Variants in SHISA9 observed in about 807,000 individuals in gnomAD.
SHISA9 encodes the protein protein shisa-9.
SHISA9 carries 13 observed loss-of-function variants against 38.0 expected under a neutral mutation model. The observed-to-expected ratio is 0.34, with a 90% confidence interval of 0.22 to 0.54. SHISA9 has a LOEUF of 0.54. SHISA9 is among the 20% of genes least tolerant of loss of function. SHISA9 has a pLI of 0.91. For missense variants in SHISA9, 538 were observed against 575.8 expected (o/e 0.93, Z 0.67); for synonymous variants, 275 against 242.0 (o/e 1.14, Z -1.27).
intron 2 of SHISA9, among the ~76,000 whole-genome samples, chr16:13,003,817 C>G (rs1326099885): frequency 6.6e-6 from 1 of 151,998 alleles, no homozygotes; most frequent in Non-Finnish European, 1.5e-5. Flanking sequence ...GAGATCGCGC[C>G]ACTGCACTCC....
At chr16:13,526,398 T>C in the SHISA9 span, among the ~76,000 whole-genome samples, 5 of 152,114 alleles carry the variant, frequency 3.3e-5, no homozygotes, top group Admixed American at 2.0e-4. Flanking sequence ...ATTTTCTACT[T>C]TTTGGGACAG....
At chr16:13,409,739 T>C in the SHISA9 span, among the ~76,000 whole-genome samples, 1 of 152,234 alleles carries the variant, frequency 6.6e-6, no homozygotes, top group Non-Finnish European at 1.5e-5. Flanking sequence ...CAGGAGGGAA[T>C]GTGTAACAAG....
chr16:13,481,282 C>A, the SHISA9 span, among the ~76,000 whole-genome samples: 1 of 151,492 alleles, frequency 6.6e-6, no homozygotes, highest in Non-Finnish European at 1.5e-5. Context: ...TCCCATCACC[C>A]AAGTATTTAT....
At chr16:13,144,383 C>G (rs2050428893) in intron 2 of SHISA9, among the ~76,000 whole-genome samples, 2 of 152,022 alleles carry the variant, frequency 1.3e-5, no homozygotes, top group African/African-American at 4.8e-5. Flanking sequence ...AATCTCTTGG[C>G]TTCATGATCT....
chr16:13,223,763 G>A (rs1488011596), intron 4 of SHISA9, among the ~76,000 whole-genome samples: 1 of 152,224 alleles, frequency 6.6e-6, no homozygotes, highest in Non-Finnish European at 1.5e-5. Context: ...AAGAGCAAAA[G>A]CATGCCTTAC....
intron 2 of SHISA9, among the ~76,000 whole-genome samples, chr16:13,156,830 C>A (rs1412540361): frequency 2.6e-5 from 4 of 152,156 alleles, no homozygotes. Flanking sequence ...AAACCCTATG[C>A]ACACTCCTAA....
At chr16:13,482,486 C>T in the SHISA9 span, among the ~76,000 whole-genome samples, 1 of 152,174 alleles carries the variant, frequency 6.6e-6, no homozygotes, top group Non-Finnish European at 1.5e-5. Flanking sequence ...AGAGAGGACA[C>T]TAAGTCTTAA....
At chr16:12,981,248 C>G (rs1159571696) in intron 2 of SHISA9, among the ~76,000 whole-genome samples, 1 of 152,254 alleles carries the variant, frequency 6.6e-6, no homozygotes, top group Non-Finnish European at 1.5e-5. Flanking sequence ...CAGAAACCTA[C>G]AGTCGATCAC....
At chr16:13,213,444 TC>T in intron 4 of SHISA9, 144 bp downstream of exon 4, 1 of 696,558 alleles carries the variant, frequency 1.4e-6, no homozygotes, top group Non-Finnish European at 2.5e-6. Context: ...CCGTCTAAGT[TC>T]CAGTGTGTAG....
At chr16:12,929,281 A>G (rs1325646558) in intron 2 of SHISA9, among the ~76,000 whole-genome samples, 6 of 152,172 alleles carry the variant, frequency 3.9e-5, no homozygotes, top group Admixed American at 3.9e-4. Flanking sequence ...CAGCAATTTT[A>G]TTACTGGGTA....
chr16:13,412,326 C>T, the SHISA9 span, among the ~76,000 whole-genome samples: 415 of 152,174 alleles, frequency 2.7e-3, 3 homozygotes, highest in African/African-American at 9.3e-3. Context: ...CTGATTTCCC[C>T]GATGAAAATA....
chr16:13,546,122 C>G, the SHISA9 span, among the ~76,000 whole-genome samples: 10,852 of 152,132 alleles, frequency 0.071, 598 homozygotes, highest in East Asian at 0.19. Flanking sequence ...TGTCTTTGTC[C>G]TATAAGAAAG....
chr16:13,407,858 A>G, the SHISA9 span, among the ~76,000 whole-genome samples: 1 of 152,208 alleles, frequency 6.6e-6, no homozygotes, highest in South Asian at 2.1e-4. Flanking sequence ...TAATTCAGTG[A>G]TGTTTGGTGC....
At chr16:12,951,559 C>T (rs141002271) in intron 2 of SHISA9, among the ~76,000 whole-genome samples, 1 of 152,232 alleles carries the variant, frequency 6.6e-6, no homozygotes, top group Non-Finnish European at 1.5e-5. Context: ...CTGTATTTCA[C>T]TGACCTCTGC....
chr16:13,251,885 A>G, the SHISA9 span, among the ~76,000 whole-genome samples: 1 of 152,174 alleles, frequency 6.6e-6, no homozygotes, highest in Admixed American at 6.5e-5. Context: ...TTTACTTAGT[A>G]GCAGAGTGAG....
chr16:13,212,980 C>A (rs73507151), intron 3 of SHISA9, among the ~76,000 whole-genome samples: 1 of 152,154 alleles, frequency 6.6e-6, no homozygotes, highest in Non-Finnish European at 1.5e-5. Flanking sequence ...TTCTGCCTTA[C>A]GTAACTGAAA....
chr16:13,131,123 C>T (rs932263322), intron 2 of SHISA9, among the ~76,000 whole-genome samples: 2 of 151,690 alleles, frequency 1.3e-5, no homozygotes, highest in Non-Finnish European at 2.9e-5. Context: ...TATTATATAC[C>T]CAAAGGAATA....
intron 2 of SHISA9, among the ~76,000 whole-genome samples, chr16:12,921,731 A>C (rs1054419271): frequency 6.6e-6 from 1 of 152,168 alleles, no homozygotes; most frequent in East Asian, 1.9e-4. Flanking sequence ...ACACCACTGC[A>C]CTCTAGCCTA....
intron 2 of SHISA9, among the ~76,000 whole-genome samples, chr16:12,942,424 T>C (rs576622536): frequency 1.3e-3 from 198 of 152,312 alleles, no homozygotes; most frequent in African/African-American, 4.5e-3. Flanking sequence ...TTCTTCCAAC[T>C]GCACAGAATC....
Sources: gnomAD v4.1 joint callset for allele counts (sites outside exome capture counted in the v4.1 genomes callset) on GRCh38, gnomAD v4.1.1 for gene constraint, MANE v1.5 for transcripts, NCBI Gene and HGNC (gene_info 2026-07-23, HGNC 2026-07-21) for gene names.